MS4A4A: variants seen among roughly 807,000 people sequenced by gnomAD.
MS4A4A encodes the protein membrane-spanning 4-domains subfamily A member 4A.
A neutral mutation model predicts 28.0 loss-of-function variants in MS4A4A; 26 were observed. The ratio of observed to expected loss-of-function variants is 0.93; its 90% CI spans 0.68 to 1.29. The LOEUF is 1.29. Among genes scored for constraint, MS4A4A ranks in the 50% most tolerant of loss-of-function variants. MS4A4A has a pLI of 0.00. For missense variants in MS4A4A, 290 were observed against 293.1 expected, an observed-to-expected ratio of 0.99 and a Z score of 0.08; for synonymous variants, 86 against 100.8, an observed-to-expected ratio of 0.85 and a Z score of 0.88.
At chr11:60,285,004 AT>A (rs2084791574) in intron 1 of MS4A4A, among the ~76,000 whole-genome samples, 1 of 152,242 alleles carries the variant, frequency 6.6e-6, no homozygotes, top group South Asian at 2.1e-4. Context: ...AATAGAAGAT[AT>A]TCGGCCTTCC....
intron 2 of MS4A4A, chr11:60,296,962 G>A (rs2084910773): frequency 2.2e-6 from 1 of 463,338 alleles, no homozygotes; most frequent in Non-Finnish European, 3.9e-6. Flanking sequence ...GGCTGGTTCT[G>A]GCATACTCCT....
At chr11:60,292,695 G>GC (rs1351837131) in intron 2 of MS4A4A, among the ~76,000 whole-genome samples, 1 of 152,114 alleles carries the variant, frequency 6.6e-6, no homozygotes, top group Non-Finnish European at 1.5e-5. Context: ...ACTAGCTGAC[G>GC]CCCCCTTTAC....
In MS4A4A at chr11:60,308,255, A is replaced by G. The variant is rs2085022813; in HGVS notation, c.*77A>G. ...ACACAAGAGCCTCACATGAGAAATT[A>G]CCAGTATCCAACTTCGATACTGATA... is the stretch of plus-strand genomic sequence containing the variant. On this transcript the variant is annotated 3_prime_UTR_variant, in exon 7 of 7. Transcript: ENST00000337908. 30 of 1,374,418 alleles carry G rather than the reference A, an allele frequency of 2.2e-5. No homozygotes were observed. The highest frequency in any genetic ancestry group is 3.1e-5 in the Non-Finnish European group (30 of 967,672). The allele number at this position is 1,374,418 out of a possible 1,614,324, so 85.1% of individuals were successfully genotyped here. A position where few individuals can be genotyped will look rare whatever the true frequency, so the allele number is the denominator to read the frequency against.
chr11:60,282,621 T>C, intron 1 of MS4A4A: 2 of 1,284,924 alleles, frequency 1.6e-6, no homozygotes, highest in African/African-American at 3.0e-5. Context: ...GGAACATTCC[T>C]GCAAATGGTT....
chr11:60,306,350 T>C, intron 6 of MS4A4A, 149 bp downstream of exon 6: 2 of 689,648 alleles, frequency 2.9e-6, no homozygotes, highest in Non-Finnish European at 4.8e-6. Context: ...AAGTATGTCC[T>C]TGACTCAGGA....
At chr11:60,280,847 G>C in intron 1 of MS4A4A, 131 bp downstream of exon 1, 5 of 1,038,790 alleles carry the variant, frequency 4.8e-6, no homozygotes, top group Non-Finnish European at 5.7e-6. Flanking sequence ...GGTATTCAGG[G>C]TTGGGGTGGG....
intron 1 of MS4A4A, among the ~76,000 whole-genome samples, chr11:60,284,903 A>C (rs1245236816): frequency 6.6e-6 from 1 of 152,266 alleles, no homozygotes; most frequent in Non-Finnish European, 1.5e-5. Context: ...CTTAATTTAA[A>C]GTCATTCTAA....
Position 60,292,137 on chromosome 11 carries a change from C to A in MS4A4A, c.42-88C>A, listed in dbSNP as rs533145253. 130 of 1,417,706 alleles carry A rather than the reference C, an allele frequency of 9.2e-5. No individual in the cohort carries two copies. The Middle Eastern group carries it at 1.3e-3, about 14-fold the overall frequency. The allele number at this position is 1,417,706 out of a possible 1,614,324, so 87.8% of individuals were successfully genotyped here. A position where few individuals can be genotyped will look rare whatever the true frequency, so the allele number is the denominator to read the frequency against. ...ATGGGAAGAGAATGTAGACCAGATT[C>A]TGTCCTTAGGGAGGAACCTGCCCCA... is the stretch of plus-strand genomic sequence containing the variant. On this transcript the variant is annotated intron_variant, in intron 1 of 6. Transcript: ENST00000337908.
rs1383909600 is a variant in MS4A4A at position 60,308,671 on chromosome 11, A to G, written c.*493A>G. On this transcript the variant is annotated 3_prime_UTR_variant, in exon 7 of 7. Transcript: ENST00000337908. ...CTTCAGGAAGTGGAGATGCATGGCC[A>G]TCTCCCCCTCCCTTTTTCCTTCTCC... 6.5e-6 allele frequency: 1 copy of G among 152,782 alleles called. No individual in the cohort carries two copies. The highest frequency in any genetic ancestry group is 1.9e-4 in the East Asian group (1 of 5,186). 9.5% of individuals were successfully genotyped at this position (152,782 alleles called of 1,614,324 possible). A position where few individuals can be genotyped will look rare whatever the true frequency, so the allele number is the denominator to read the frequency against.
chr11:60,297,399 A>G lies in MS4A4A; in HGVS notation c.330+74A>G, dbSNP rs143056636. 253 of 1,517,842 alleles carry G rather than the reference A, an allele frequency of 1.7e-4. 1 individual carries two copies. The African/African-American group carries it at 3.2e-3, about 19-fold the overall frequency. 94.0% of individuals were successfully genotyped at this position (1,517,842 alleles called of 1,614,324 possible). A position where few individuals can be genotyped will look rare whatever the true frequency, so the allele number is the denominator to read the frequency against. ...TCAATACCCTGATCTTTGGAATCCT[A>G]TTCTAACCGTATCTTGTAATTCTGT... On this transcript the variant is annotated intron_variant, in intron 3 of 6. Transcript: ENST00000337908.
chr11:60,300,338 C>T (rs182029141), intron 3 of MS4A4A, among the ~76,000 whole-genome samples: 41 of 151,900 alleles, frequency 2.7e-4, no homozygotes, highest in Admixed American at 7.2e-4. Context: ...AAATATTGGC[C>T]GGGCGCAGTG....
intron 1 of MS4A4A, among the ~76,000 whole-genome samples, chr11:60,289,485 A>G (rs1370035759): frequency 6.6e-6 from 1 of 152,058 alleles, no homozygotes; most frequent in African/African-American, 2.4e-5. Context: ...TCTATGATCT[A>G]CAAGATTTCT....
At chr11:60,281,841 T>C (rs998383314) in intron 1 of MS4A4A, among the ~76,000 whole-genome samples, 18 of 152,122 alleles carry the variant, frequency 1.2e-4, no homozygotes, top group African/African-American at 4.1e-4. Context: ...GCCTGATGCA[T>C]ATAGGTGATG....
intron 1 of MS4A4A, among the ~76,000 whole-genome samples, chr11:60,286,133 C>T (rs2084801724): frequency 6.6e-6 from 1 of 152,182 alleles, no homozygotes; most frequent in Non-Finnish European, 1.5e-5. Flanking sequence ...AAAAATATGA[C>T]TTTGTTCTGC....
chr11:60,301,169 G>A (rs1221878292), intron 4 of MS4A4A, 112 bp downstream of exon 4: 5 of 872,516 alleles, frequency 5.7e-6, no homozygotes, highest in Non-Finnish European at 8.4e-6. Context: ...AATCAGGAGC[G>A]ATTGTGCATT....
intron 1 of MS4A4A, among the ~76,000 whole-genome samples, chr11:60,290,961 C>T (rs1391469646): frequency 6.6e-6 from 1 of 151,950 alleles, no homozygotes; most frequent in Admixed American, 6.5e-5. Context: ...CAAAACGAGA[C>T]TTTTATAGGG....
chr11:60,282,654 T>C, intron 1 of MS4A4A: 3 of 1,285,000 alleles, frequency 2.3e-6, no homozygotes, highest in South Asian at 2.5e-5. Flanking sequence ...GATGTCTCAA[T>C]ATAGGAATGA....
At chr11:60,302,951 C>T (rs1358160732) in intron 5 of MS4A4A, among the ~76,000 whole-genome samples, 2 of 152,044 alleles carry the variant, frequency 1.3e-5, no homozygotes, top group East Asian at 1.9e-4. Context: ...TATAGAATAC[C>T]TACTCATTAA....
At chr11:60,283,016 G>A (rs1024903963) in intron 1 of MS4A4A, among the ~76,000 whole-genome samples, 1 of 152,136 alleles carries the variant, frequency 6.6e-6, no homozygotes, top group Non-Finnish European at 1.5e-5. Context: ...GAAATACACA[G>A]AGTTGAAAAA....
Sources: gnomAD v4.1 joint callset for allele counts (sites outside exome capture counted in the v4.1 genomes callset) on GRCh38, gnomAD v4.1.1 for gene constraint, MANE v1.5 for transcripts, NCBI Gene and HGNC (gene_info 2026-07-23, HGNC 2026-07-21) for gene names.